The following TP73 variants were observed in gnomAD, a reference collection of about 807,000 sequenced individuals.
The protein encoded by TP73 is tumor protein p73, also known as p53-like transcription factor.
TP73 carries 25 observed loss-of-function variants against 62.5 expected under a neutral mutation model. The ratio of observed to expected loss-of-function variants is 0.40; its 90% CI spans 0.29 to 0.56. The LOEUF (loss-of-function observed/expected upper bound fraction) is 0.56. Ranked by LOEUF, TP73 falls within the 20% of genes least tolerant of loss-of-function variation. The pLI, the probability that TP73 is intolerant of heterozygous loss-of-function variation, is 0.46. For missense variants in TP73, 754 were observed against 913.3 expected, an observed-to-expected ratio of 0.83 and a Z score of 2.25; for synonymous variants, 423 against 377.5, an observed-to-expected ratio of 1.12 and a Z score of -1.40.
rs1459843794 is a variant in TP73, at chr1:3,662,857, C to T, written c.-34+10216C>T. Among the ~76,000 whole-genome samples, 2 of 152,158 alleles carry T rather than the reference C, an allele frequency of 1.3e-5. No homozygotes were observed. Among genetic ancestry groups the T allele is most frequent in the African/African-American group, 4.8e-5 (2 of 41,436 alleles). The stretch of plus-strand genomic sequence containing the variant: ...GGCTGGGGAGCGCAGGGAGGGGTCC[C>T]CAGTGTGAGGACAGCATGGGGCTGC... On this transcript the variant is annotated intron_variant, in intron 1 of 13. Coordinates refer to ENST00000378295, the MANE Select transcript of TP73 (RefSeq NM_005427.4). The surrounding 1 kb of genome is among the most constrained non-coding windows in gnomAD (Gnocchi z 4.4).
intron 3 of TP73, among the ~76,000 whole-genome samples, chr1:3,685,078 A>G (rs993820499): frequency 3.3e-5 from 5 of 151,892 alleles, no homozygotes; most frequent in Non-Finnish European, 5.9e-5. Context: ...GACCCATAAG[A>G]TTGTCCCCTG....
At chr1:3,669,274 C>T (rs1490411500) in intron 1 of TP73, among the ~76,000 whole-genome samples, 8 of 152,196 alleles carry the variant, frequency 5.3e-5, no homozygotes, top group Non-Finnish European at 1.2e-4. Flanking sequence ...GCAGAGAGCC[C>T]CTCTACGGCC....
chr1:3,707,544 G>A lies in TP73; in HGVS notation c.187-5G>A, dbSNP rs767264773. ...CCCCCTCCCTCCTCCCCTTTCCCGC[G>A]CCAGGCCCAGTTCAATCTGCTGAGC... On this transcript the variant is annotated splice_polypyrimidine_tract_variant and splice_region_variant and intron_variant, in intron 3 of 13. Transcript: ENST00000378295. 3.4e-5 allele frequency: 55 copies of A among 1,600,782 alleles called. No individual in the cohort carries two copies. Among genetic ancestry groups the A allele is most frequent in the Non-Finnish European group, 4.5e-5 (53 of 1,170,348 alleles).
At chr1:3,698,820 A>G (rs1638900373) in intron 3 of TP73, among the ~76,000 whole-genome samples, 1 of 152,198 alleles carries the variant, frequency 6.6e-6, no homozygotes, top group Admixed American at 6.5e-5. Context: ...CAAGGCCCCC[A>G]TGTGGCGCTA....
rs997501638 is a variant in TP73, at chr1:3,696,151, C to T, written c.187-11398C>T. Among the ~76,000 whole-genome samples, 13 of 152,138 alleles carry T rather than the reference C, an allele frequency of 8.5e-5. No homozygotes were observed. The highest frequency in any genetic ancestry group is 1.9e-4 in the Non-Finnish European group (13 of 68,034). On this transcript the variant is annotated intron_variant, in intron 3 of 13. Transcript: ENST00000378295. This position sits in a 1 kb window ranked among gnomAD's most constrained non-coding sequence, Gnocchi z 4.1. ...GGTCCTGGGGCCTGAAAAGTGTGAC[C>T]ACCTGGTGGCTCAGTCCTGTGTGCA...
Position 3,662,330 on chromosome 1 carries a change from C to T in TP73, c.-34+9689C>T, listed in dbSNP as rs1192799090. 6.6e-6 allele frequency: 1 copy of T among 152,224 alleles called. No individual in the cohort carries two copies. The highest frequency in any genetic ancestry group is 1.5e-5 in the Non-Finnish European group (1 of 68,062). 9.4% of individuals were successfully genotyped at this position (152,224 alleles called of 1,614,324 possible). A position where few individuals can be genotyped will look rare whatever the true frequency, so the allele number is the denominator to read the frequency against. On this transcript the variant is annotated intron_variant, in intron 1 of 13. Transcript: ENST00000378295. This position sits in a 1 kb window ranked among gnomAD's most constrained non-coding sequence, Gnocchi z 4.4. Reference sequence around the variant, plus strand: ...AGAAAACCCATTTTAATGATATGTCCACGAATGGGAGTCCCACACGGAGAT... The same window carrying T: ...AGAAAACCCATTTTAATGATATGTCTACGAATGGGAGTCCCACACGGAGAT...
At chr1:3,717,128 A>G (rs1166300528) in intron 4 of TP73, among the ~76,000 whole-genome samples, 1 of 152,222 alleles carries the variant, frequency 6.6e-6, no homozygotes, top group Non-Finnish European at 1.5e-5. Flanking sequence ...AAAATGACAG[A>G]CAAGTTATTA....
rs1642340008 is a variant in TP73 at position 3,734,281 on chromosome 1, A to G, written c.*1202A>G. 6.6e-6 allele frequency: 1 copy of G among 152,166 alleles called. No homozygotes were observed. Among genetic ancestry groups the G allele is most frequent in the African/African-American group, 2.4e-5 (1 of 41,400 alleles). 9.4% of individuals were successfully genotyped at this position (152,166 alleles called of 1,614,324 possible). The stretch of plus-strand genomic sequence containing the variant: ...CAGGGAGTTAGTAGGCCCCGGGGAG[A>G]CAGAGTCTGCACAGGCCCTTTCTGG... On this transcript the variant is annotated 3_prime_UTR_variant, in exon 14 of 14. Coordinates refer to ENST00000378295, the MANE Select transcript of TP73 (RefSeq NM_005427.4). This position sits in a 1 kb window ranked among gnomAD's most constrained non-coding sequence, Gnocchi z 4.4.
At chr1:3,703,739 G>A (rs901223656) in intron 3 of TP73, among the ~76,000 whole-genome samples, 2 of 152,244 alleles carry the variant, frequency 1.3e-5, no homozygotes, top group Admixed American at 1.3e-4. Context: ...GATGGAGCAG[G>A]GATGGGAGTC....
intron 3 of TP73, among the ~76,000 whole-genome samples, chr1:3,688,033 C>A (rs1454879710): frequency 6.6e-6 from 1 of 152,114 alleles, no homozygotes; most frequent in Non-Finnish European, 1.5e-5. Context: ...GCATGTGTGG[C>A]CCCCAGGAAA....
intron 3 of TP73, among the ~76,000 whole-genome samples, chr1:3,704,978 C>A (rs1196027551): frequency 6.6e-6 from 1 of 152,234 alleles, no homozygotes; most frequent in Admixed American, 6.5e-5. Context: ...CTTCCCCAGA[C>A]CCCCTCACAA....
At chr1:3,673,268 G>A (rs952699648) in intron 1 of TP73, among the ~76,000 whole-genome samples, 1 of 152,160 alleles carries the variant, frequency 6.6e-6, no homozygotes, top group Non-Finnish European at 1.5e-5. Flanking sequence ...CCAGGGACCC[G>A]GCAGCCAGCA....
rs1645155638 is a variant in TP73, at chr1:3,667,825, A to G, written c.-33-14508A>G. Among the ~76,000 whole-genome samples, 6 of 152,224 alleles carry G rather than the reference A, an allele frequency of 3.9e-5. No homozygotes were observed. The South Asian group carries it at 1.2e-3, about 32-fold the overall frequency. On this transcript the variant is annotated intron_variant, in intron 1 of 13. Coordinates refer to ENST00000378295, the MANE Select transcript of TP73 (RefSeq NM_005427.4). ...AACAAGGGCTTGCCCTGTAGTTCAC[A>G]TCTGGACCACCCAGCTTAAAATAGG...
rs776401110 is a variant in TP73, at chr1:3,693,121, C to T, written c.186+9941C>T. On this transcript the variant is annotated intron_variant, in intron 3 of 13. Transcript: ENST00000378295. ...CCAGAGCCAGCCATGTCTCCAGCAC[C>T]TCTTCCCTCTCGGGGGGAGGTGGGC... 1.0e-4 allele frequency among the ~76,000 whole-genome samples: 15 copies of T among 150,388 alleles called. No homozygotes were observed. The East Asian group carries it at 2.9e-3, about 29-fold the overall frequency.
chr1:3,673,413 G>A (rs1015494722), intron 1 of TP73, among the ~76,000 whole-genome samples: 5 of 152,192 alleles, frequency 3.3e-5, no homozygotes, highest in East Asian at 1.9e-4. Flanking sequence ...AACTCGATAC[G>A]GTTTATGGGG....
chr1:3,664,940 C>T lies in TP73; in HGVS notation c.-34+12299C>T, dbSNP rs377056300. Among the ~76,000 whole-genome samples, 21 of 152,292 alleles carry T rather than the reference C, an allele frequency of 1.4e-4. No individual in the cohort carries two copies. In the East Asian group the frequency reaches 3.9e-3, roughly 28 times the overall value. Reference sequence around the variant, plus strand: ...AACTCACCATCCTCTCTTTATGGTCCTCGCAATTTGCACCATGCACAATGC... The same window carrying T: ...AACTCACCATCCTCTCTTTATGGTCTTCGCAATTTGCACCATGCACAATGC... On this transcript the variant is annotated intron_variant, in intron 1 of 13. Coordinates refer to ENST00000378295, the MANE Select transcript of TP73 (RefSeq NM_005427.4).
Position 3,682,356 on chromosome 1 carries a change from C to A in TP73, c.-10C>A, listed in dbSNP as rs777305219. On this transcript the variant is annotated 5_prime_UTR_variant, in exon 2 of 14. Coordinates refer to ENST00000378295, the MANE Select transcript of TP73 (RefSeq NM_005427.4). ...AGAGCGAGCTGCCCTCGGAGGCCGGCGTGGGGAAGATGGCCCAGTCCACCG... is the reference window on the plus strand; with the variant it reads ...AGAGCGAGCTGCCCTCGGAGGCCGGAGTGGGGAAGATGGCCCAGTCCACCG... 2 of 1,531,910 alleles carry A rather than the reference C, an allele frequency of 1.3e-6. No individual in the cohort carries two copies. Among genetic ancestry groups the A allele is most frequent in the Non-Finnish European group, 8.8e-7 (1 of 1,132,718 alleles). The allele number at this position is 1,531,910 out of a possible 1,614,324, so 94.9% of individuals were successfully genotyped here.
intron 1 of TP73, among the ~76,000 whole-genome samples, chr1:3,661,128 A>G (rs1644978368): frequency 6.6e-6 from 1 of 152,174 alleles, no homozygotes; most frequent in Non-Finnish European, 1.5e-5. Flanking sequence ...ATCTAAAACA[A>G]TTTTCCCTTT....
At chr1:3,704,616 G>C (rs1319538882) in intron 3 of TP73, among the ~76,000 whole-genome samples, 2 of 152,238 alleles carry the variant, frequency 1.3e-5, no homozygotes, top group Non-Finnish European at 2.9e-5. Context: ...TCTGAGCCCG[G>C]ACAGGGCTGG....
Sources: gnomAD v4.1 joint callset for allele counts (sites outside exome capture counted in the v4.1 genomes callset) on GRCh38, gnomAD v4.1.1 for gene constraint, Gnocchi (gnomAD v3.1) non-coding constraint, MANE v1.5 for transcripts, NCBI Gene and HGNC (gene_info 2026-07-23, HGNC 2026-07-21) for gene names.